Variants in PEPD observed in about 807,000 individuals in gnomAD.
PEPD encodes the protein xaa-Pro dipeptidase.
Under a neutral mutation model 60.7 loss-of-function variants are expected in PEPD, and 53 were observed. The ratio of observed to expected loss-of-function variants is 0.87; its 90% CI spans 0.70 to 1.10. The LOEUF (loss-of-function observed/expected upper bound fraction) is 1.10. Ranked by LOEUF, PEPD falls within the 50% of genes least tolerant of loss-of-function variation. PEPD has a pLI of 0.00. For synonymous variants in PEPD, 267 were observed against 284.1 expected, an observed-to-expected ratio of 0.94 and a Z score of 0.60; for missense variants, 711 against 711.9, an observed-to-expected ratio of 1.00 and a Z score of 0.01.
intron 13 of PEPD, among the ~76,000 whole-genome samples, chr19:33,389,568 C>G (rs1431877003): frequency 6.6e-6 from 1 of 152,234 alleles, no homozygotes; most frequent in Non-Finnish European, 1.5e-5. Flanking sequence ...TCTCCACCCA[C>G]AGCAATCGAA....
In PEPD at chr19:33,387,919, C is replaced by A; in HGVS notation, c.1315G>T (p.Val439Phe). ...PARASFLNRE[V>F]LQRFRGFGGV... Reference sequence around the variant, plus strand: ...CCAAAACCGCGAAAGCGCTGCAGGACCTCGCGGTTAAGGAAGGAGGCGCGG... The same window carrying A: ...CCAAAACCGCGAAAGCGCTGCAGGAACTCGCGGTTAAGGAAGGAGGCGCGG... Residue 439 changes from valine (V) to phenylalanine (F), a missense_variant, in exon 14 of 15, where the codon GTC becomes TTC. Coordinates refer to ENST00000244137, the MANE Select transcript of PEPD (RefSeq NM_000285.4). 6.3e-7 allele frequency: 1 copy of A among 1,588,548 alleles called. No individual in the cohort carries two copies. Among genetic ancestry groups the A allele is most frequent in the African/African-American group, 1.3e-5 (1 of 74,746 alleles).
rs892762494 is a variant in PEPD at position 33,469,640 on chromosome 19, A to G, written c.549-5578T>C. 4.0e-5 allele frequency among the ~76,000 whole-genome samples: 6 copies of G among 151,874 alleles called. No individual in the cohort carries two copies. In the South Asian group the frequency reaches 1.0e-3, roughly 26 times the overall value. On this transcript the variant is annotated intron_variant, in intron 7 of 14. Transcript: ENST00000244137. ...ACGCCCACCTGGGGATCCCAGCTCC[A>G]ACCTCCACCAGCTCCTGCTAGAAGC...
intron 7 of PEPD, among the ~76,000 whole-genome samples, chr19:33,470,284 A>T (rs1055168868): frequency 2.6e-5 from 4 of 152,018 alleles, no homozygotes; most frequent in Admixed American, 1.3e-4. Context: ...TGCAAACCTT[A>T]TCAGGCTTCC....
chr19:33,420,334 A>G (rs1488062768), intron 9 of PEPD, among the ~76,000 whole-genome samples: 3 of 150,932 alleles, frequency 2.0e-5, no homozygotes, highest in Non-Finnish European at 4.4e-5. Flanking sequence ...TCTATCCAAT[A>G]TTTTGTTGAA....
At chr19:33,443,987 C>T (rs1969540961) in intron 9 of PEPD, among the ~76,000 whole-genome samples, 2 of 143,592 alleles carry the variant, frequency 1.4e-5, no homozygotes, top group African/African-American at 5.2e-5. Flanking sequence ...CGCGCACACA[C>T]ACACACAGTG....
chr19:33,412,514 A>T (rs1018958521), intron 10 of PEPD, among the ~76,000 whole-genome samples: 1 of 152,132 alleles, frequency 6.6e-6, no homozygotes, highest in African/African-American at 2.4e-5. Flanking sequence ...GAGAGAGGAA[A>T]CCAAGAGGAT....
At position 33,397,416 on chromosome 19, in the gene PEPD, G is replaced by A. The variant is rs12461886; in HGVS notation, c.967+4305C>T. On this transcript the variant is annotated intron_variant, in intron 12 of 14. Coordinates refer to ENST00000244137, the MANE Select transcript of PEPD (RefSeq NM_000285.4). ...GAACCCACGAACCCAGGGCATTTCC[G>A]CTGGGACAAGGCAGGGGGCTGACCT... Among the ~76,000 whole-genome samples the A allele has an allele frequency of 3.2e-3, 490 of 152,160 alleles. 11 individuals carry two copies. Among genetic ancestry groups the A allele is most frequent in the Admixed American group, 0.028 (432 of 15,292 alleles).
intron 11 of PEPD, among the ~76,000 whole-genome samples, chr19:33,404,818 T>A (rs1318698932): frequency 6.6e-6 from 1 of 151,824 alleles, no homozygotes; most frequent in Non-Finnish European, 1.5e-5. Context: ...TTTTCTGCCT[T>A]AAAAAAATCC....
intron 6 of PEPD, among the ~76,000 whole-genome samples, chr19:33,480,813 C>CTT (rs112166206): frequency 7.8e-6 from 1 of 127,748 alleles, no homozygotes; most frequent in Non-Finnish European, 1.6e-5. Flanking sequence ...ATATATATAG[C>CTT]GTGTGTGTGT....
chr19:33,396,975 C>T (rs943500390), intron 12 of PEPD, among the ~76,000 whole-genome samples: 1 of 152,156 alleles, frequency 6.6e-6, no homozygotes, highest in Non-Finnish European at 1.5e-5. Context: ...TCCCCCCATT[C>T]CCCTCACCAT....
chr19:33,391,163 C>T, intron 13 of PEPD, 132 bp downstream of exon 13: 2 of 772,394 alleles, frequency 2.6e-6, no homozygotes, highest in Admixed American at 4.0e-5. Flanking sequence ...CCGTATACCA[C>T]AGGGAGCCAT....
At chr19:33,414,274 C>A (rs922765012) in intron 9 of PEPD, among the ~76,000 whole-genome samples, 1 of 152,222 alleles carries the variant, frequency 6.6e-6, no homozygotes, top group African/African-American at 2.4e-5. Context: ...GCCCACTCTA[C>A]AAGCTCCCAC....
intron 1 of PEPD, among the ~76,000 whole-genome samples, chr19:33,519,022 G>T (rs1458024903): frequency 6.6e-6 from 1 of 152,156 alleles, no homozygotes; most frequent in African/African-American, 2.4e-5. Flanking sequence ...AAAAAGCCAT[G>T]TGGGAGAGCA....
rs577060912 is a variant in PEPD, at chr19:33,430,219, G to A, written c.672-16576C>T. Reference sequence around the variant, plus strand: ...ACCAGACACTAACCCAGCCCCAGCCGTGAAGGGAGAACAACTTTTCTAGAT... The same window carrying A: ...ACCAGACACTAACCCAGCCCCAGCCATGAAGGGAGAACAACTTTTCTAGAT... On this transcript the variant is annotated intron_variant, in intron 9 of 14. Coordinates refer to ENST00000244137, the MANE Select transcript of PEPD (RefSeq NM_000285.4). Among the ~76,000 whole-genome samples, 12 of 152,318 alleles carry A rather than the reference G, an allele frequency of 7.9e-5. No homozygotes were observed. In the East Asian group the frequency reaches 1.7e-3, roughly 22 times the overall value.
chr19:33,388,360 G>A, intron 13 of PEPD: 1 of 617,966 alleles, frequency 1.6e-6, no homozygotes, highest in Non-Finnish European at 3.0e-6. Flanking sequence ...CCCGGGGCAA[G>A]CTGCCCAGAC....
chr19:33,401,824 G>C lies in PEPD; in HGVS notation c.864C>G (p.Ile288Met). ...TGCCGTTGGCGGGAAAGGAGCAGGTGATGTCGGAAGCGAAGCAGTAATACT... is the reference window on the plus strand; with the variant it reads ...TGCCGTTGGCGGGAAAGGAGCAGGTCATGTCGGAAGCGAAGCAGTAATACT... The part of the protein sequence containing the change: ...GGEYYCFASD[I>M]TCSFPANGKF... Residue 288 changes from isoleucine to methionine, a missense_variant, in exon 12 of 15, where the codon ATC becomes ATG. Physicochemically the swap from Ile to Met is conservative, Grantham distance 10. Transcript: ENST00000244137. 1.2e-6 allele frequency: 2 copies of C among 1,613,262 alleles called. No homozygotes were observed. The highest frequency in any genetic ancestry group is 1.7e-6 in the Non-Finnish European group (2 of 1,179,936).
At chr19:33,466,929 G>A (rs183441078) in intron 7 of PEPD, among the ~76,000 whole-genome samples, 295 of 152,012 alleles carry the variant, frequency 1.9e-3, no homozygotes, top group African/African-American at 6.7e-3. Context: ...AGGCCGAGGC[G>A]GGCAGATCAC....
At chr19:33,465,103 T>A (rs756749492) in intron 7 of PEPD, among the ~76,000 whole-genome samples, 3 of 152,048 alleles carry the variant, frequency 2.0e-5, no homozygotes, top group Admixed American at 6.6e-5. Context: ...GAGAACGGAG[T>A]TGGCATTTTT....
intron 9 of PEPD, among the ~76,000 whole-genome samples, chr19:33,461,616 G>A (rs1309373419): frequency 2.0e-5 from 3 of 152,224 alleles, no homozygotes; most frequent in African/African-American, 7.2e-5. Context: ...ATGGGTCACT[G>A]TGATTCAACT....
Sources: gnomAD v4.1 joint callset for allele counts (sites outside exome capture counted in the v4.1 genomes callset) on GRCh38, gnomAD v4.1.1 for gene constraint, MANE v1.5 for transcripts, NCBI Gene and HGNC (gene_info 2026-07-23, HGNC 2026-07-21) for gene names.